The following TRPM2 variants were observed in gnomAD, a reference collection of about 807,000 sequenced individuals.
TRPM2 encodes estrogen-responsive element-associated gene 1 protein.
TRPM2 carries 161 observed loss-of-function variants against 174.0 expected under a neutral mutation model. That is an observed-to-expected ratio of 0.93 (90% CI 0.81 to 1.05). The LOEUF is 1.05. Ranked by LOEUF, TRPM2 falls within the 50% of genes least tolerant of loss-of-function variation. The pLI, the probability that TRPM2 is intolerant of heterozygous loss-of-function variation, is 0.00. For synonymous variants in TRPM2, 954 were observed against 861.3 expected, an observed-to-expected ratio of 1.11 and a Z score of -1.88; for missense variants, 2,057 against 2,038.0, an observed-to-expected ratio of 1.01 and a Z score of -0.18.
chr21:44,380,610 G>A (rs114092514), intron 8 of TRPM2, among the ~76,000 whole-genome samples: 2,163 of 152,304 alleles, frequency 0.014, 51 homozygotes, highest in African/African-American at 0.05. Context: ...CTGCTCAGTG[G>A]GGAGGGGCCC....
In TRPM2 at chr21:44,379,024, A is replaced by G. The variant is rs932318087; in HGVS notation, c.1042A>G (p.Thr348Ala). The G allele has an allele frequency of 5.6e-6, 9 of 1,608,370 alleles. No homozygotes were observed. The highest frequency in any genetic ancestry group is 7.6e-6 in the Non-Finnish European group (9 of 1,179,904). The change falls in exon 8 of 32, where the codon ACC (threonine) becomes GCC (alanine). Residue 348 changes from threonine to alanine, a missense_variant. Thr to Ala is a moderately conservative substitution (Grantham distance 58). Transcript: ENST00000397928. ...CATCGACAACGCCACCACCAACGGC[A>G]CCCCCTGTGTGGTTGTGGAGGGCTC... The part of the protein sequence containing the change: ...HTIDNATTNG[T>A]PCVVVEGSGR...
intron 5 of TRPM2, among the ~76,000 whole-genome samples, chr21:44,374,848 G>T (rs11088949): frequency 5.9e-5 from 9 of 152,032 alleles, no homozygotes; most frequent in Admixed American, 2.0e-4. Flanking sequence ...CCATGGCCCA[G>T]GGGGTGGGGG....
At chr21:44,361,141 ATAT>A (rs1001150685) in intron 2 of TRPM2, among the ~76,000 whole-genome samples, 5 of 151,924 alleles carry the variant, frequency 3.3e-5, no homozygotes, top group South Asian at 2.1e-4. Flanking sequence ...GCTTGTGTCA[ATAT>A]TATTATTATT....
At chr21:44,401,314 G>A (rs1435867947) in intron 15 of TRPM2, among the ~76,000 whole-genome samples, 2 of 152,174 alleles carry the variant, frequency 1.3e-5, no homozygotes, top group African/African-American at 2.4e-5. Flanking sequence ...AGGCCTGAGC[G>A]TCCACTGAGC....
Position 44,439,680 on chromosome 21 carries a change from C to G in TRPM2, c.4269+512C>G, listed in dbSNP as rs1011944306. Among the ~76,000 whole-genome samples the G allele has an allele frequency of 6.6e-6, 1 of 152,160 alleles. No homozygotes were observed. The highest frequency in any genetic ancestry group is 1.5e-5 in the Non-Finnish European group (1 of 68,040). On this transcript the variant is annotated intron_variant, in intron 30 of 31. Coordinates refer to ENST00000397928, the MANE Select transcript of TRPM2 (RefSeq NM_003307.4). The surrounding 1 kb of genome is among the most constrained non-coding windows in gnomAD (Gnocchi z 5.1). ...AAACCTCGATCTTTCCTTAGAAAGC[C>G]TCCATCTCCAGCTCTCTCACACAAA...
chr21:44,399,489 C>T lies in TRPM2; in HGVS notation c.2208+48C>T. ...CAGAAACAGACGCCTGTGGTGCCTG[C>T]AGGGCGGACACAGCCTCCTGTTCGT... is the stretch of plus-strand genomic sequence containing the variant. On this transcript the variant is annotated intron_variant, in intron 14 of 31. Coordinates refer to ENST00000397928, the MANE Select transcript of TRPM2 (RefSeq NM_003307.4). This position sits in a 1 kb window ranked among gnomAD's most constrained non-coding sequence, Gnocchi z 4.6. The T allele has an allele frequency of 6.3e-7, 1 of 1,575,788 alleles. No homozygotes were observed. The highest frequency in any genetic ancestry group is 1.2e-5 in the South Asian group (1 of 86,138).
At position 44,439,407 on chromosome 21, in the gene TRPM2, CCT is replaced by C. The variant is rs1414035560; in HGVS notation, c.4269+244_4269+245del. 6.6e-6 allele frequency among the ~76,000 whole-genome samples: 1 copy of C among 152,166 alleles called. No individual in the cohort carries two copies. Among genetic ancestry groups the C allele is most frequent in the Admixed American group, 6.5e-5 (1 of 15,286 alleles). ...GCCCTCCCTCTCTGTTCCATTTTCT[CCT>C]CTCTAAATCAAGGGGGATGGGCTGA... On this transcript the variant is annotated intron_variant, in intron 30 of 31. Transcript: ENST00000397928. This position sits in a 1 kb window ranked among gnomAD's most constrained non-coding sequence, Gnocchi z 5.1.
rs914294284 is a variant in TRPM2, at chr21:44,423,746, C to T, written c.3549+14C>T. 5.3e-5 allele frequency: 84 copies of T among 1,591,258 alleles called. No individual in the cohort carries two copies. The highest frequency in any genetic ancestry group is 6.6e-5 in the Non-Finnish European group (77 of 1,171,610). On this transcript the variant is annotated intron_variant, in intron 23 of 31. Coordinates refer to ENST00000397928, the MANE Select transcript of TRPM2 (RefSeq NM_003307.4). ...CTGGAGGAGCAGGTGGGTCCGAGGT[C>T]GGGGCCTCCGTCAGGAGGTGCCACT...
intron 8 of TRPM2, among the ~76,000 whole-genome samples, chr21:44,380,326 A>C (rs2048841162): frequency 6.6e-6 from 1 of 152,228 alleles, no homozygotes; most frequent in South Asian, 2.1e-4. Flanking sequence ...TTGTGAAAAC[A>C]TCGTGGTCCG....
At position 44,353,814 on chromosome 21, in the gene TRPM2, C is replaced by A. The variant is rs1422919953; in HGVS notation, c.114C>A (p.Ser38Arg). 1.2e-6 allele frequency: 2 copies of A among 1,600,434 alleles called. No individual in the cohort carries two copies. The highest frequency in any genetic ancestry group is 1.7e-5 in the Admixed American group (1 of 57,758). Residue 38 changes from serine to arginine, a missense_variant, in exon 1 of 32, where the codon AGC becomes AGA. Ser to Arg is a moderately radical substitution (Grantham distance 110). Coordinates refer to ENST00000397928, the MANE Select transcript of TRPM2 (RefSeq NM_003307.4). Reference protein sequence around the residue: ...GMVSNLRRSNSSLFKSWRLQC... With the variant: ...GMVSNLRRSNRSLFKSWRLQC... ...TCTCCAATCTCCGGCGCAGCAACAG[C>A]AGCCTCTTCAAGAGCTGGAGGCTAC...
chr21:44,394,684 A>AT (rs1313791497), intron 11 of TRPM2, among the ~76,000 whole-genome samples: 1 of 149,536 alleles, frequency 6.7e-6, no homozygotes, highest in African/African-American at 2.5e-5. Flanking sequence ...TATTTAAGAC[A>AT]CTCAGTTGGA....
Position 44,441,952 on chromosome 21 carries a change from C to T in TRPM2, c.*135C>T. The T allele has an allele frequency of 7.8e-7, 1 of 1,288,184 alleles. No individual in the cohort carries two copies. The highest frequency in any genetic ancestry group is 2.8e-5 in the East Asian group (1 of 35,562). The allele number at this position is 1,288,184 out of a possible 1,614,324, so 79.8% of individuals were successfully genotyped here. ...GATGGGGTTTGGTGGACCCAGTGCC[C>T]CTCACGGCTGCCGCAAGTCTGCTGC... On this transcript the variant is annotated 3_prime_UTR_variant, in exon 32 of 32. Coordinates refer to ENST00000397928, the MANE Select transcript of TRPM2 (RefSeq NM_003307.4).
At chr21:44,368,731 C>G (rs1312832237) in intron 4 of TRPM2, among the ~76,000 whole-genome samples, 7 of 152,150 alleles carry the variant, frequency 4.6e-5, no homozygotes, top group African/African-American at 7.2e-5. Context: ...CGTGCCCGGC[C>G]GGAGGTGTGT....
At chr21:44,390,316 C>G (rs1461027014) in intron 9 of TRPM2, among the ~76,000 whole-genome samples, 8 of 152,188 alleles carry the variant, frequency 5.3e-5, no homozygotes, top group Admixed American at 4.6e-4. Flanking sequence ...AAGAACCGCT[C>G]CATGTTGATT....
chr21:44,395,376 CG>C, intron 11 of TRPM2, 37 bp from the exon 12 acceptor site: 1 of 1,604,834 alleles, frequency 6.2e-7, no homozygotes, highest in Non-Finnish European at 8.5e-7. Flanking sequence ...CTGAGCCAGG[CG>C]GCCCGGCTGG....
At position 44,399,481 on chromosome 21, in the gene TRPM2, G is replaced by A; in HGVS notation, c.2208+40G>A. On this transcript the variant is annotated intron_variant, in intron 14 of 31. Transcript: ENST00000397928. The surrounding 1 kb of genome is among the most constrained non-coding windows in gnomAD (Gnocchi z 4.6). ...GCCCCTTCCAGAAACAGACGCCTGTGGTGCCTGCAGGGCGGACACAGCCTC... is the reference window on the plus strand; with the variant it reads ...GCCCCTTCCAGAAACAGACGCCTGTAGTGCCTGCAGGGCGGACACAGCCTC... 1 of 1,589,032 alleles carries A rather than the reference G, an allele frequency of 6.3e-7. No homozygotes were observed. The highest frequency in any genetic ancestry group is 8.6e-7 in the Non-Finnish European group (1 of 1,167,112).
chr21:44,404,123 GAACA>G (rs1355739541), intron 16 of TRPM2, among the ~76,000 whole-genome samples: 4 of 150,960 alleles, frequency 2.6e-5, no homozygotes, highest in Non-Finnish European at 4.4e-5. Context: ...ACACATGAAT[GAACA>G]TACACATATG....
At chr21:44,425,111 G>A (rs2050706358) in intron 24 of TRPM2, 172 bp downstream of exon 24, 5 of 627,140 alleles carry the variant, frequency 8.0e-6, no homozygotes, top group Admixed American at 3.0e-5. Context: ...CCCACCCACC[G>A]ACGCTGGCGC....
At chr21:44,430,224 G>A (rs1443997108) in intron 27 of TRPM2, among the ~76,000 whole-genome samples, 1 of 152,040 alleles carries the variant, frequency 6.6e-6, no homozygotes, top group Non-Finnish European at 1.5e-5. Flanking sequence ...TATATTTCTT[G>A]TACTGTCTTA....
Sources: allele counts gnomAD v4.1 joint callset (sites outside exome capture counted in the v4.1 genomes callset), GRCh38; gene constraint gnomAD v4.1.1; non-coding constraint Gnocchi (gnomAD v3.1); transcripts MANE v1.5; gene names NCBI Gene and HGNC (gene_info 2026-07-23, HGNC 2026-07-21).